Variants in DST observed in about 807,000 individuals in gnomAD.
The protein encoded by DST is dystonin.
Under a neutral mutation model 875.2 loss-of-function variants are expected in DST, and 253 were observed. That is an observed-to-expected ratio of 0.29 (90% CI 0.26 to 0.32). The LOEUF is 0.32. Among genes scored for constraint, DST ranks in the 10% least tolerant of loss-of-function variants. The pLI is 1.00. For missense variants in DST, 8,287 were observed against 9,111.6 expected, an observed-to-expected ratio of 0.91 and a Z score of 3.68; for synonymous variants, 3,124 against 3,197.1, an observed-to-expected ratio of 0.98 and a Z score of 0.77.
intron 55 of DST, 105 bp from the exon 56 acceptor site, chr6:56,562,305 A>C: frequency 2.5e-6 from 1 of 406,540 alleles, no homozygotes; most frequent in South Asian, 5.2e-5. Context: ...CACACATAAA[A>C]CACTGACTCA....
intron 10 of DST, among the ~76,000 whole-genome samples, chr6:56,665,625 C>T (rs2099068522): frequency 6.6e-6 from 1 of 152,014 alleles, no homozygotes; most frequent in Middle Eastern, 3.2e-3. Context: ...ACTCTTTGAG[C>T]CTCAGTTTCT....
At chr6:56,570,506 AT>A (rs1460907723) in intron 53 of DST, among the ~76,000 whole-genome samples, 1 of 152,078 alleles carries the variant, frequency 6.6e-6, no homozygotes, top group Non-Finnish European at 1.5e-5. Flanking sequence ...TCCTGGTCCT[AT>A]GAGAATCTAA....
chr6:56,539,793 G>A (rs988385876), intron 61 of DST, among the ~76,000 whole-genome samples: 9 of 152,124 alleles, frequency 5.9e-5, no homozygotes, highest in Admixed American at 2.0e-4. Context: ...CACATGCAGA[G>A]CTCCTGAGAG....
chr6:56,945,296 C>A (rs988395133), intron 2 of DST, among the ~76,000 whole-genome samples: 1 of 151,942 alleles, frequency 6.6e-6, no homozygotes, highest in East Asian at 1.9e-4. Flanking sequence ...GGGCTTGAAC[C>A]AAAGAAACAG....
At chr6:56,496,946 T>C (rs1455888951) in intron 82 of DST, among the ~76,000 whole-genome samples, 1 of 151,800 alleles carries the variant, frequency 6.6e-6, no homozygotes, top group Non-Finnish European at 1.5e-5. Context: ...TTCTCACTCA[T>C]AGGTGGGAAC....
chr6:56,925,062 A>G (rs1489303030), intron 2 of DST, among the ~76,000 whole-genome samples: 1 of 152,228 alleles, frequency 6.6e-6, no homozygotes, highest in Non-Finnish European at 1.5e-5. Context: ...GGAGGGGGAC[A>G]CTGAGTTCTA....
intron 61 of DST, among the ~76,000 whole-genome samples, chr6:56,550,546 C>A (rs1026223503): frequency 1.3e-5 from 2 of 152,186 alleles, no homozygotes; most frequent in African/African-American, 4.8e-5. Context: ...CAGTTCTCCA[C>A]ATGAACAGCC....
In DST at chr6:56,630,288, A is replaced by G; in HGVS notation, c.4238T>C (p.Ile1413Thr). The G allele has an allele frequency of 6.2e-7, 1 of 1,608,426 alleles. No individual in the cohort carries two copies. Among genetic ancestry groups the G allele is most frequent in the Non-Finnish European group, 8.5e-7 (1 of 1,176,142 alleles). The change falls in exon 31 of 104, where the codon ATA becomes ACA. Residue 1413 changes from isoleucine (I) to threonine (T), a missense_variant. Coordinates refer to ENST00000680361, the MANE Select transcript of DST (RefSeq NM_001374736.1). ...ATTCTCAATATTATTCTTGTCAGCT[A>G]TAACTGCTTCTTCTTCACACAGTTT... is the stretch of plus-strand genomic sequence containing the variant. ...ETKLCEEEAVIADKNNIENLI... is the reference protein window; with the variant it reads ...ETKLCEEEAVTADKNNIENLI...
At chr6:56,802,229 T>C (rs1338796915) in intron 4 of DST, among the ~76,000 whole-genome samples, 1 of 152,262 alleles carries the variant, frequency 6.6e-6, no homozygotes, top group Non-Finnish European at 1.5e-5. Context: ...CTATTAAAAT[T>C]TTTATAATTC....
chr6:56,627,208 A>G lies in DST; in HGVS notation c.4718T>C (p.Val1573Ala). 6.2e-7 allele frequency: 1 copy of G among 1,608,498 alleles called. No individual in the cohort carries two copies. Among genetic ancestry groups the G allele is most frequent in the Non-Finnish European group, 8.5e-7 (1 of 1,175,798 alleles). ...AAAGTTAATGAATCTTCCTACCTTC[A>G]CTGTAGCTGAGTACTGTTCTGCATA... ...QKYAEQYSAT[V>A]KDYELQTMTY... Residue 1573 changes from valine (V) to alanine (A), a missense_variant, in exon 34 of 104, where the codon GTG (valine) becomes GCG (alanine). Physicochemically the swap from Val to Ala is moderately conservative, Grantham distance 64. Coordinates refer to ENST00000680361, the MANE Select transcript of DST (RefSeq NM_001374736.1).
chr6:56,682,798 T>C (rs532354506), intron 9 of DST, among the ~76,000 whole-genome samples: 1 of 152,160 alleles, frequency 6.6e-6, no homozygotes, highest in Non-Finnish European at 1.5e-5. Flanking sequence ...TCATGGAGCA[T>C]GGTCAGGCAA....
intron 22 of DST, among the ~76,000 whole-genome samples, chr6:56,638,239 T>C (rs2098844944): frequency 6.6e-6 from 1 of 152,124 alleles, no homozygotes. Flanking sequence ...ATACTCTTTT[T>C]AGTGTATTAG....
At chr6:56,760,955 T>G (rs1286718290) in intron 4 of DST, among the ~76,000 whole-genome samples, 1 of 152,230 alleles carries the variant, frequency 6.6e-6, no homozygotes, top group Non-Finnish European at 1.5e-5. Context: ...AAGAGCTAAT[T>G]CCAATCACTG....
At chr6:56,466,352 G>T in intron 98 of DST, 157 bp from the exon 99 acceptor site, 1 of 448,464 alleles carries the variant, frequency 2.2e-6, no homozygotes. Context: ...GTAATGATTT[G>T]TGTTAGACGG....
At chr6:56,768,915 A>G (rs1367626253) in intron 4 of DST, among the ~76,000 whole-genome samples, 1 of 152,162 alleles carries the variant, frequency 6.6e-6, no homozygotes, top group Admixed American at 6.5e-5. Flanking sequence ...CTAAAAATAC[A>G]AAACTTAGCA....
chr6:56,753,324 C>T lies in DST; in HGVS notation c.626-18035G>A, dbSNP rs370575724. On this transcript the variant is annotated intron_variant, in intron 4 of 103. Transcript: ENST00000680361. ...AACAGAAAACAGTGAACAGAACATT[C>T]AAATGGCTGCATATAAGCATTTTCC... Among the ~76,000 whole-genome samples, 10 of 152,256 alleles carry T rather than the reference C, an allele frequency of 6.6e-5. No individual in the cohort carries two copies. The East Asian group carries it at 1.5e-3, about 23-fold the overall frequency.
intron 4 of DST, chr6:56,843,190 C>G (rs765611080): frequency 2.0e-6 from 3 of 1,507,958 alleles, no homozygotes; most frequent in Non-Finnish European, 2.7e-6. Context: ...CCCTCTCCCC[C>G]TCGTAACCCC....
At position 56,670,810 on chromosome 6, in the gene DST, A is replaced by G; in HGVS notation, c.1048-3T>C. ...CCAGTAACATGGATATCAGATATCT[A>G]GATATAACAGAAAGTGTTAAACCTT... On this transcript the variant is annotated splice_region_variant and splice_polypyrimidine_tract_variant and intron_variant, in intron 9 of 103. Coordinates refer to ENST00000680361, the MANE Select transcript of DST (RefSeq NM_001374736.1). 6.3e-7 allele frequency: 1 copy of G among 1,577,686 alleles called. No homozygotes were observed. The highest frequency in any genetic ancestry group is 2.3e-5 in the East Asian group (1 of 43,538).
intron 34 of DST, among the ~76,000 whole-genome samples, chr6:56,625,700 C>T (rs1335986285): frequency 6.7e-6 from 1 of 149,826 alleles, no homozygotes; most frequent in African/African-American, 2.5e-5. Flanking sequence ...CCACACTATA[C>T]TTTTAGTTGT....
Sources: allele counts gnomAD v4.1 joint callset (sites outside exome capture counted in the v4.1 genomes callset), GRCh38; gene constraint gnomAD v4.1.1; transcripts MANE v1.5; gene names NCBI Gene and HGNC (gene_info 2026-07-23, HGNC 2026-07-21).